NET1: variants seen among roughly 807,000 people sequenced by gnomAD.
NET1 encodes the protein neuroepithelial cell transforming 1, also known as neuroepithelial cell-transforming gene 1 protein.
Under a neutral mutation model 61.1 loss-of-function variants are expected in NET1, and 42 were observed. The ratio of observed to expected loss-of-function variants is 0.69; its 90% CI spans 0.54 to 0.89. The LOEUF (loss-of-function observed/expected upper bound fraction) is 0.89. Among genes scored for constraint, NET1 ranks in the 40% least tolerant of loss-of-function variants. NET1 has a pLI of 0.00. For missense variants in NET1, 654 were observed against 747.3 expected, an observed-to-expected ratio of 0.88 and a Z score of 1.46; for synonymous variants, 254 against 281.8, an observed-to-expected ratio of 0.90 and a Z score of 0.99.
rs149722244 is a variant in NET1 at position 5,456,697 on chromosome 10, G to A, written c.1494G>A (p.Ala498=). 236 of 1,613,980 alleles carry A rather than the reference G, an allele frequency of 1.5e-4. 1 individual carries two copies. In the East Asian group the frequency reaches 5.0e-3, roughly 34 times the overall value. Residue 498 remains alanine, a synonymous_variant, in exon 12 of 12, where the codon GCG becomes GCA. Transcript: ENST00000355029. This position sits in a 1 kb window ranked among gnomAD's most constrained non-coding sequence, Gnocchi z 7.0. ...HKQQWFNCIR[A]AIAPFQSAGS... Reference sequence around the variant, plus strand: ...AGCAGTGGTTCAACTGTATTCGAGCGGCCATTGCCCCCTTCCAGTCGGCAG... The same window carrying A: ...AGCAGTGGTTCAACTGTATTCGAGCAGCCATTGCCCCCTTCCAGTCGGCAG...
intron 3 of NET1, among the ~76,000 whole-genome samples, chr10:5,448,416 T>A (rs1227041337): frequency 6.6e-6 from 1 of 152,244 alleles, no homozygotes; most frequent in African/African-American, 2.4e-5. Context: ...AAAATCTAAC[T>A]ACAAGTGGAT....
In NET1 at chr10:5,440,873, G is replaced by T. The variant is rs79443190; in HGVS notation, c.256-10957G>T. ...TAGTCCTTATCACCATTTTACTAGT[G>T]AGTGAGTCTGTTTCAGAGTCCCATC... On this transcript the variant is annotated intron_variant, in intron 3 of 11. Transcript: ENST00000355029. The surrounding 1 kb of genome is among the most constrained non-coding windows in gnomAD (Gnocchi z 4.1). Among the ~76,000 whole-genome samples the T allele has an allele frequency of 6.6e-6, 1 of 152,094 alleles. No homozygotes were observed. Among genetic ancestry groups the T allele is most frequent in the Non-Finnish European group, 1.5e-5 (1 of 68,018 alleles).
chr10:5,431,819 G>C lies in NET1; in HGVS notation c.255+2590G>C, dbSNP rs1025524618. Among the ~76,000 whole-genome samples, 13 of 152,006 alleles carry C rather than the reference G, an allele frequency of 8.6e-5. No homozygotes were observed. Among genetic ancestry groups the C allele is most frequent in the African/African-American group, 3.1e-4 (13 of 41,378 alleles). ...GGGTCTCACTATGTTGGCCAGGAAG[G>C]CCTCAAATTCCTAGTCTCAAGCAGT... On this transcript the variant is annotated intron_variant, in intron 3 of 11. Coordinates refer to ENST00000355029, the MANE Select transcript of NET1 (RefSeq NM_001047160.3). The surrounding 1 kb of genome is among the most constrained non-coding windows in gnomAD (Gnocchi z 4.9).
At position 5,439,002 on chromosome 10, in the gene NET1, C is replaced by G. The variant is rs1487413504; in HGVS notation, c.255+9773C>G. 1.3e-5 allele frequency among the ~76,000 whole-genome samples: 2 copies of G among 152,248 alleles called. No homozygotes were observed. Among genetic ancestry groups the G allele is most frequent in the Non-Finnish European group, 2.9e-5 (2 of 68,042 alleles). The stretch of plus-strand genomic sequence containing the variant: ...CCTTAGAGTCTTCAGTAAGCATTAA[C>G]ATGAGAGACAAGGCTCCTTCCACTT... On this transcript the variant is annotated intron_variant, in intron 3 of 11. Transcript: ENST00000355029. The surrounding 1 kb of genome is among the most constrained non-coding windows in gnomAD (Gnocchi z 4.8).
chr10:5,453,509 A>G lies in NET1; in HGVS notation c.717A>G (p.Ala239=). The change falls in exon 8 of 12, where the codon GCA becomes GCG. Residue 239 remains alanine, a synonymous_variant. Coordinates refer to ENST00000355029, the MANE Select transcript of NET1 (RefSeq NM_001047160.3). The surrounding 1 kb of genome is among the most constrained non-coding windows in gnomAD (Gnocchi z 4.9). ...HEDLLTRIGE[A]TKPDGTVEQI... ...ATTTGTTGACAAGAATAGGAGAAGC[A>G]ACCAAGCCTGATGGAACAGTGGAGC... 6.2e-7 allele frequency: 1 copy of G among 1,614,208 alleles called. No homozygotes were observed. Among genetic ancestry groups the G allele is most frequent in the African/African-American group, 1.3e-5 (1 of 75,064 alleles).
At chr10:5,450,393 G>C (rs1832685313) in intron 3 of NET1, among the ~76,000 whole-genome samples, 1 of 151,714 alleles carries the variant, frequency 6.6e-6, no homozygotes, top group African/African-American at 2.4e-5. Context: ...TCCAAATAAT[G>C]TTAACTTTTC....
intron 3 of NET1, among the ~76,000 whole-genome samples, chr10:5,450,520 C>T (rs1017132544): frequency 1.3e-5 from 2 of 152,012 alleles, no homozygotes; most frequent in Non-Finnish European, 2.9e-5. Flanking sequence ...TTCTACACCC[C>T]TTCCTTTTTA....
rs1025068157 is a variant in NET1 at position 5,417,098 on chromosome 10, C to T, written c.128+4278C>T. Among the ~76,000 whole-genome samples the T allele has an allele frequency of 3.3e-5, 5 of 152,158 alleles. No homozygotes were observed. The highest frequency in any genetic ancestry group is 7.4e-5 in the Non-Finnish European group (5 of 68,018). On this transcript the variant is annotated intron_variant, in intron 1 of 11. Coordinates refer to ENST00000355029, the MANE Select transcript of NET1 (RefSeq NM_001047160.3). The surrounding 1 kb of genome is among the most constrained non-coding windows in gnomAD (Gnocchi z 5.5). ...GGTTTTGCCCTGGTGTCAGGTTGCC[C>T]GATTCTCCTCCAACCTCCCTGGCCA...
In NET1 at chr10:5,416,026, C is replaced by T. The variant is rs926660111; in HGVS notation, c.128+3206C>T. 6.6e-6 allele frequency among the ~76,000 whole-genome samples: 1 copy of T among 152,074 alleles called. No individual in the cohort carries two copies. The highest frequency in any genetic ancestry group is 2.4e-5 in the African/African-American group (1 of 41,406). On this transcript the variant is annotated intron_variant, in intron 1 of 11. Coordinates refer to ENST00000355029, the MANE Select transcript of NET1 (RefSeq NM_001047160.3). The surrounding 1 kb of genome is among the most constrained non-coding windows in gnomAD (Gnocchi z 6.1). ...TCTTCTGAGAATTTTATCATTTTAGCTTTTATATTTGGGTCTTTAATCCAT... is the reference window on the plus strand; with the variant it reads ...TCTTCTGAGAATTTTATCATTTTAGTTTTTATATTTGGGTCTTTAATCCAT...
chr10:5,420,871 A>G lies in NET1; in HGVS notation c.129-5784A>G, dbSNP rs577339898. On this transcript the variant is annotated intron_variant, in intron 1 of 11. Transcript: ENST00000355029. This position sits in a 1 kb window ranked among gnomAD's most constrained non-coding sequence, Gnocchi z 5.3. ...GACCTCCCAAAGTGCTGGGATTACA[A>G]GTATGAGTCACTGTGCCCGGCCAGC... Among the ~76,000 whole-genome samples the G allele has an allele frequency of 3.9e-5, 6 of 152,176 alleles. No homozygotes were observed. The highest frequency in any genetic ancestry group is 1.2e-4 in the African/African-American group (5 of 41,530).
intron 3 of NET1, among the ~76,000 whole-genome samples, chr10:5,438,588 T>A (rs1218350651): frequency 1.3e-5 from 2 of 152,218 alleles, no homozygotes; most frequent in Non-Finnish European, 2.9e-5. Context: ...AGATTGACTC[T>A]GTAATCAAAA....
In NET1 at chr10:5,426,406, A is replaced by C. The variant is rs1832258255; in HGVS notation, c.129-249A>C. Among the ~76,000 whole-genome samples, 2 of 152,118 alleles carry C rather than the reference A, an allele frequency of 1.3e-5. No homozygotes were observed. The highest frequency in any genetic ancestry group is 4.1e-4 in the South Asian group (2 of 4,832). ...GTTGAGTTTGGCAAATTACTTTTTAAAATAATCTGTTCACTAATTTTATAT... is the reference window on the plus strand; with the variant it reads ...GTTGAGTTTGGCAAATTACTTTTTACAATAATCTGTTCACTAATTTTATAT... On this transcript the variant is annotated intron_variant, in intron 1 of 11. Coordinates refer to ENST00000355029, the MANE Select transcript of NET1 (RefSeq NM_001047160.3). This position sits in a 1 kb window ranked among gnomAD's most constrained non-coding sequence, Gnocchi z 4.6.
rs907697477 is a variant in NET1, at chr10:5,439,587, G to A, written c.255+10358G>A. On this transcript the variant is annotated intron_variant, in intron 3 of 11. Coordinates refer to ENST00000355029, the MANE Select transcript of NET1 (RefSeq NM_001047160.3). The surrounding 1 kb of genome is among the most constrained non-coding windows in gnomAD (Gnocchi z 4.8). The stretch of plus-strand genomic sequence containing the variant: ...CTGTTTGTTTTGGGCACCTCTGATC[G>A]CACAGTTAAATGATGTCCTGTAGCC... Among the ~76,000 whole-genome samples, 10 of 152,140 alleles carry A rather than the reference G, an allele frequency of 6.6e-5. No homozygotes were observed. The highest frequency in any genetic ancestry group is 2.1e-4 in the South Asian group (1 of 4,828).
At chr10:5,433,096 C>T (rs1201863512) in intron 3 of NET1, among the ~76,000 whole-genome samples, 1 of 152,142 alleles carries the variant, frequency 6.6e-6, no homozygotes, top group Non-Finnish European at 1.5e-5. Flanking sequence ...GTACATTCAC[C>T]ACTTTCCTCC....
rs1832573395 is a variant in NET1 at position 5,444,470 on chromosome 10, T to G, written c.256-7360T>G. Among the ~76,000 whole-genome samples, 1 of 152,222 alleles carries G rather than the reference T, an allele frequency of 6.6e-6. No homozygotes were observed. The highest frequency in any genetic ancestry group is 2.4e-5 in the African/African-American group (1 of 41,464). ...TCAGCCCCTGTAATTTGCCTCTGTC[T>G]TTACTCCACTGAAATAGCACACTTG... On this transcript the variant is annotated intron_variant, in intron 3 of 11. Transcript: ENST00000355029. This position sits in a 1 kb window ranked among gnomAD's most constrained non-coding sequence, Gnocchi z 5.3.
At position 5,420,991 on chromosome 10, in the gene NET1, G is replaced by T. The variant is rs1377051908; in HGVS notation, c.129-5664G>T. Among the ~76,000 whole-genome samples, 1 of 152,202 alleles carries T rather than the reference G, an allele frequency of 6.6e-6. No individual in the cohort carries two copies. Among genetic ancestry groups the T allele is most frequent in the African/African-American group, 2.4e-5 (1 of 41,452 alleles). ...GCCTAGTTTTTTTGATACCAAGTCT[G>T]TTCTGGCCTCAGCTTTGATTTACCT... On this transcript the variant is annotated intron_variant, in intron 1 of 11. Coordinates refer to ENST00000355029, the MANE Select transcript of NET1 (RefSeq NM_001047160.3). This position sits in a 1 kb window ranked among gnomAD's most constrained non-coding sequence, Gnocchi z 5.3.
Position 5,456,159 on chromosome 10 carries a change from T to C in NET1, c.1270T>C (p.Tyr424His). 1 of 1,614,240 alleles carries C rather than the reference T, an allele frequency of 6.2e-7. No individual in the cohort carries two copies. The highest frequency in any genetic ancestry group is 8.5e-7 in the Non-Finnish European group (1 of 1,180,046). ...RPVTRNERHS[Y>H]QVYRQPIPVQ... The stretch of plus-strand genomic sequence containing the variant: ...CGTCACACGGAACGAACGGCACTCT[T>C]ACCAGGTTTACCGGCAGCCAATCCC... Residue 424 changes from tyrosine (Y) to histidine (H), a missense_variant, in exon 11 of 12, where the codon TAC (tyrosine) becomes CAC (histidine). Transcript: ENST00000355029. This position sits in a 1 kb window ranked among gnomAD's most constrained non-coding sequence, Gnocchi z 7.0.
At chr10:5,430,532 GC>G (rs1480648271) in intron 3 of NET1, among the ~76,000 whole-genome samples, 1 of 151,904 alleles carries the variant, frequency 6.6e-6, no homozygotes, top group Non-Finnish European at 1.5e-5. Context: ...GTGCCACCAT[GC>G]CCGGCTAATT....
intron 1 of NET1, among the ~76,000 whole-genome samples, chr10:5,418,962 CTT>C (rs936004427): frequency 4.6e-5 from 7 of 152,126 alleles, no homozygotes; most frequent in Non-Finnish European, 8.8e-5. Context: ...ATAATTGTGA[CTT>C]TCACAAATTT....
Sources: gnomAD v4.1 joint callset for allele counts (sites outside exome capture counted in the v4.1 genomes callset) on GRCh38, gnomAD v4.1.1 for gene constraint, Gnocchi (gnomAD v3.1) non-coding constraint, MANE v1.5 for transcripts, NCBI Gene and HGNC (gene_info 2026-07-23, HGNC 2026-07-21) for gene names.